ASTN2: variants seen among roughly 807,000 people sequenced by gnomAD.
The protein encoded by ASTN2 is astrotactin 2.
ASTN2 carries 54 observed loss-of-function variants against 139.8 expected under a neutral mutation model. The ratio of observed to expected loss-of-function variants is 0.39; its 90% confidence interval spans 0.31 to 0.48. The LOEUF is 0.48. Among genes scored for constraint, ASTN2 ranks in the 20% least tolerant of loss-of-function variants. The pLI is 0.95. For missense variants in ASTN2, 1,565 were observed against 1,725.1 expected, an observed-to-expected ratio of 0.91 and a Z score of 1.64; for synonymous variants, 756 against 719.5, an observed-to-expected ratio of 1.05 and a Z score of -0.81.
At chr9:116,834,982 G>A (rs922980842) in intron 11 of ASTN2, among the ~76,000 whole-genome samples, 3 of 152,152 alleles carry the variant, frequency 2.0e-5, no homozygotes, top group African/African-American at 4.8e-5. Flanking sequence ...CTAAGAAGTC[G>A]AGGCTGCAGT....
intron 22 of ASTN2, among the ~76,000 whole-genome samples, chr9:116,429,182 T>C (rs935667857): frequency 2.0e-5 from 3 of 151,734 alleles, no homozygotes; most frequent in Admixed American, 1.3e-4. Context: ...CTACTAAAAA[T>C]ACAAAAATTA....
chr9:116,648,296 G>A (rs1466729604), intron 17 of ASTN2, among the ~76,000 whole-genome samples: 1 of 151,936 alleles, frequency 6.6e-6, no homozygotes, highest in Non-Finnish European at 1.5e-5. Flanking sequence ...CACCGCACTT[G>A]GCCTAATTTT....
intron 10 of ASTN2, among the ~76,000 whole-genome samples, chr9:116,871,010 G>A (rs1448628077): frequency 6.6e-6 from 1 of 152,140 alleles, no homozygotes; most frequent in Non-Finnish European, 1.5e-5. Context: ...TGTAATCCCA[G>A]CACATTGGGA....
intron 3 of ASTN2, among the ~76,000 whole-genome samples, chr9:117,185,557 C>T (rs537089528): frequency 6.6e-6 from 1 of 152,280 alleles, no homozygotes; most frequent in East Asian, 1.9e-4. Context: ...TGCACAGAGT[C>T]AGATAGTTCC....
chr9:116,547,342 A>G (rs1344233514), intron 19 of ASTN2: 1 of 152,272 alleles, frequency 6.6e-6, no homozygotes, highest in African/African-American at 2.4e-5. Flanking sequence ...ACAAGCATCA[A>G]TTTACAGAGG....
At chr9:116,890,779 G>A (rs1833742811) in intron 10 of ASTN2, among the ~76,000 whole-genome samples, 1 of 152,166 alleles carries the variant, frequency 6.6e-6, no homozygotes, top group Admixed American at 6.5e-5. Context: ...AAGAAGAGAA[G>A]TGACCTTTTC....
intron 3 of ASTN2, among the ~76,000 whole-genome samples, chr9:117,210,687 T>C (rs1832091894): frequency 6.6e-6 from 1 of 152,146 alleles, no homozygotes; most frequent in Non-Finnish European, 1.5e-5. Context: ...GCAGAGGGAA[T>C]TCTTTCTAAT....
intron 6 of ASTN2, among the ~76,000 whole-genome samples, chr9:117,022,899 G>A (rs1350241430): frequency 6.6e-6 from 1 of 152,030 alleles, no homozygotes; most frequent in Non-Finnish European, 1.5e-5. Flanking sequence ...CACCTGTCCC[G>A]GGTTCTCAGG....
At chr9:116,578,397 C>G (rs1853809088) in intron 19 of ASTN2, among the ~76,000 whole-genome samples, 1 of 152,120 alleles carries the variant, frequency 6.6e-6, no homozygotes, top group African/African-American at 2.4e-5. Flanking sequence ...CTCTCACTCA[C>G]TCCTGTAACA....
intron 11 of ASTN2, among the ~76,000 whole-genome samples, chr9:116,834,524 AT>A (rs1831925446): frequency 6.6e-6 from 1 of 152,164 alleles, no homozygotes; most frequent in Non-Finnish European, 1.5e-5. Flanking sequence ...GGTAAATGAT[AT>A]TTTATAATTA....
chr9:116,821,261 C>T (rs781593212), intron 11 of ASTN2, among the ~76,000 whole-genome samples: 2 of 152,024 alleles, frequency 1.3e-5, no homozygotes, highest in South Asian at 2.1e-4. Flanking sequence ...CTGTGTGACC[C>T]GAGAAGTTAC....
At chr9:116,662,257 C>T (rs1307064564) in intron 16 of ASTN2, among the ~76,000 whole-genome samples, 1 of 151,964 alleles carries the variant, frequency 6.6e-6, no homozygotes, top group Non-Finnish European at 1.5e-5. Flanking sequence ...CGAATATCAC[C>T]GACAATATAA....
At chr9:116,655,152 T>G (rs1320302438) in intron 16 of ASTN2, among the ~76,000 whole-genome samples, 1 of 152,226 alleles carries the variant, frequency 6.6e-6, no homozygotes, top group Non-Finnish European at 1.5e-5. Flanking sequence ...CACACACTTG[T>G]ATTAACAGTG....
At chr9:116,618,589 C>T in intron 18 of ASTN2, 117 bp from the exon 19 acceptor site, 1 of 1,254,080 alleles carries the variant, frequency 8.0e-7, no homozygotes, top group South Asian at 1.7e-5. Context: ...ATCTTGATTC[C>T]ACCCATGATC....
chr9:117,408,715 C>A, intron 1 of ASTN2, among the ~76,000 whole-genome samples: 1 of 152,320 alleles, frequency 6.6e-6, no homozygotes, highest in Admixed American at 6.5e-5. Flanking sequence ...GTTGGTATCA[C>A]TGACCCCCCA....
At chr9:116,639,531 G>A (rs376134380) in intron 17 of ASTN2, among the ~76,000 whole-genome samples, 11 of 152,170 alleles carry the variant, frequency 7.2e-5, no homozygotes, top group African/African-American at 2.4e-4. Context: ...ACTGTTGACT[G>A]AAGTTGCCTA....
At chr9:116,879,904 A>G (rs866431467) in intron 10 of ASTN2, among the ~76,000 whole-genome samples, 7 of 152,332 alleles carry the variant, frequency 4.6e-5, no homozygotes, top group Middle Eastern at 3.4e-3. Context: ...ATGGACCACA[A>G]CTTAGAGTTA....
chr9:116,504,914 A>AAC (rs3040260), intron 19 of ASTN2, among the ~76,000 whole-genome samples: 1 of 148,682 alleles, frequency 6.7e-6, no homozygotes, highest in South Asian at 2.1e-4. Context: ...AAAAAAAAAA[A>AAC]CCCAAAACAA....
intron 19 of ASTN2, among the ~76,000 whole-genome samples, chr9:116,571,389 C>G (rs917171265): frequency 7.9e-5 from 12 of 152,182 alleles, no homozygotes; most frequent in Admixed American, 1.3e-4. Flanking sequence ...GTCTCTTTTT[C>G]CATCTTTCAC....
Sources: gnomAD v4.1 joint callset for allele counts (sites outside exome capture counted in the v4.1 genomes callset) on GRCh38, gnomAD v4.1.1 for gene constraint, MANE v1.5 for transcripts, NCBI Gene and HGNC (gene_info 2026-07-23, HGNC 2026-07-21) for gene names.